Variants in SETDB1 observed in about 807,000 individuals in gnomAD.
SETDB1 encodes the protein histone-lysine N-methyltransferase SETDB1.
A neutral mutation model predicts 137.4 loss-of-function variants in SETDB1; 31 were observed. The observed-to-expected ratio is 0.23, with a 90% CI of 0.17 to 0.30. The LOEUF (loss-of-function observed/expected upper bound fraction) is 0.30, where lower values mean the gene tolerates loss of function less well. Ranked by LOEUF, SETDB1 falls within the 10% of genes least tolerant of loss-of-function variation. The pLI is 1.00. For missense variants in SETDB1, 1,113 were observed against 1,631.5 expected (o/e 0.68, Z 5.47); for synonymous variants, 548 against 579.9 (o/e 0.95, Z 0.79).
Position 150,958,054 on chromosome 1 carries a change from C to T in SETDB1, c.2334-1124C>T, listed in dbSNP as rs12063920. Among the ~76,000 whole-genome samples the T allele has an allele frequency of 6.8e-4, 103 of 151,858 alleles. 1 individual carries two copies. The highest frequency in any genetic ancestry group is 2.3e-3 in the African/African-American group (96 of 41,460). On this transcript the variant is annotated intron_variant, in intron 14 of 21. Transcript: ENST00000692827. ...ATACAAAATTAGCAAGGCACGGTGG[C>T]GCGTGCCTGTAATCTCAGCTACTTG...
In SETDB1 at chr1:150,959,230, C is replaced by T. The variant is rs1363633105; in HGVS notation, c.2386C>T (p.Arg796Trp). 6.2e-7 allele frequency: 1 copy of T among 1,601,478 alleles called. No homozygotes were observed. The highest frequency in any genetic ancestry group is 8.5e-7 in the Non-Finnish European group (1 of 1,175,980). Reference sequence around the variant, plus strand: ...ATGTGACCCAAACATGTGCACAAACCGGTTGGTGCAACATGGACTACAAGT... The same window carrying T: ...ATGTGACCCAAACATGTGCACAAACTGGTTGGTGCAACATGGACTACAAGT... ...CKCDPNMCTNRLVQHGLQVRL... is the reference protein window; with the variant it reads ...CKCDPNMCTNWLVQHGLQVRL... The change falls in exon 15 of 22, where the codon CGG (arginine) becomes TGG (tryptophan). Residue 796 changes from arginine to tryptophan, a missense_variant. Coordinates refer to ENST00000692827, the MANE Select transcript of SETDB1 (RefSeq NM_001366418.1).
intron 19 of SETDB1, 39 bp downstream of exon 19, chr1:150,963,178 G>C (rs776558216): frequency 1.3e-6 from 2 of 1,580,538 alleles, no homozygotes; most frequent in Non-Finnish European, 1.7e-6. Context: ...GGAAGAAATA[G>C]TAAGAAACTT....
Position 150,943,018 on chromosome 1 carries a change from T to C in SETDB1, c.840T>C (p.Ile280=). 1.2e-6 allele frequency: 2 copies of C among 1,614,096 alleles called. No homozygotes were observed. Among genetic ancestry groups the C allele is most frequent in the Non-Finnish European group, 1.7e-6 (2 of 1,180,006 alleles). ...DGNQVWLYAG[I]VAETPNVKNK... ...ATCAGGTCTGGCTCTATGCTGGCAT[T>C]GTAGCTGAGACACCAAACGTCAAAA... is the stretch of plus-strand genomic sequence containing the variant. Residue 280 remains isoleucine (I), a synonymous_variant, in exon 7 of 22, where the codon ATT becomes ATC. Coordinates refer to ENST00000692827, the MANE Select transcript of SETDB1 (RefSeq NM_001366418.1).
rs1463406484 is a variant in SETDB1, at chr1:150,930,049, G to A, written c.343G>A (p.Glu115Lys). The change falls in exon 3 of 22, where the codon GAA becomes AAA. Residue 115 changes from glutamate (E) to lysine (K), a missense_variant. By Grantham distance (56) the Glu-to-Lys change is moderately conservative. Coordinates refer to ENST00000692827, the MANE Select transcript of SETDB1 (RefSeq NM_001366418.1). ...ATACCGGGACAGTAGCTCTGAGGAC[G>A]AATCTTCCCGGCCTACAGAAATAAT... ...LQYRDSSSEDESSRPTEIIEI... is the reference protein window; with the variant it reads ...LQYRDSSSEDKSSRPTEIIEI... 12 of 1,613,886 alleles carry A rather than the reference G, an allele frequency of 7.4e-6. No homozygotes were observed. Among genetic ancestry groups the A allele is most frequent in the South Asian group, 1.1e-5 (1 of 91,076 alleles).
chr1:150,955,734 C>G (rs587678068), intron 14 of SETDB1, among the ~76,000 whole-genome samples: 1 of 152,310 alleles, frequency 6.6e-6, no homozygotes, highest in South Asian at 2.1e-4. Context: ...GGGCAAGGAT[C>G]TTATCTGTCT....
chr1:150,963,075 T>C lies in SETDB1; in HGVS notation c.3396T>C (p.Asp1132=), dbSNP rs1272401883. 6.2e-7 allele frequency: 1 copy of C among 1,614,092 alleles called. No individual in the cohort carries two copies. The highest frequency in any genetic ancestry group is 1.7e-5 in the Admixed American group (1 of 60,004). The change falls in exon 19 of 22, where the codon GAT becomes GAC. Residue 1132 remains aspartate (D), a synonymous_variant. Transcript: ENST00000692827. ...GQTSATAVDS[D]DIQTISSGSE... ...CTTCGGCTACAGCGGTTGACAGTGA[T>C]GATATCCAGACCATATCCTCTGGCT...
At position 150,927,994 on chromosome 1, in the gene SETDB1, T is replaced by C. The variant is rs760594702; in HGVS notation, c.260+20T>C. 2.8e-5 allele frequency: 45 copies of C among 1,610,136 alleles called. No homozygotes were observed. The Admixed American group carries it at 7.0e-4, about 25-fold the overall frequency. On this transcript the variant is annotated intron_variant, in intron 2 of 21. Transcript: ENST00000692827. ...ATCCAGGTGAGAACTCCATGGAAAA[T>C]AGAAGGAAATCTCTCCATTGGGAGA...
In SETDB1 at chr1:150,927,763, G is replaced by A. The variant is rs767435466; in HGVS notation, c.49G>A (p.Val17Met). The change falls in exon 2 of 22, where the codon GTG becomes ATG. Residue 17 changes from valine to methionine, a missense_variant. Around this residue, in one of 11 missense-constraint regions of SETDB1, gnomAD observed 32 missense variants for 26.3 expected, o/e 1.22. Coordinates refer to ENST00000692827, the MANE Select transcript of SETDB1 (RefSeq NM_001366418.1). ...CIGLDAATAT[V>M]ESEEIAELQQ... Reference sequence around the variant, plus strand: ...TGGTTTGGATGCAGCAACAGCTACAGTGGAGTCTGAAGAGATTGCAGAGCT... The same window carrying A: ...TGGTTTGGATGCAGCAACAGCTACAATGGAGTCTGAAGAGATTGCAGAGCT... 5.0e-6 allele frequency: 8 copies of A among 1,614,078 alleles called. No individual in the cohort carries two copies. The Admixed American group carries it at 1.3e-4, about 27-fold the overall frequency.
At position 150,963,573 on chromosome 1, in the gene SETDB1, T is replaced by G; in HGVS notation, c.3504T>G (p.Phe1168Leu). 6.2e-7 allele frequency: 1 copy of G among 1,614,174 alleles called. No individual in the cohort carries two copies. Among genetic ancestry groups the G allele is most frequent in the Non-Finnish European group, 8.5e-7 (1 of 1,180,008 alleles). ...RQVAVKSTRG[F>L]ALKSTHGIAI... ...TGGCAGTAAAATCAACCCGAGGCTTTGCTCTTAAATCAACCCATGGGATTG... is the reference window on the plus strand; with the variant it reads ...TGGCAGTAAAATCAACCCGAGGCTTGGCTCTTAAATCAACCCATGGGATTG... Residue 1168 changes from phenylalanine to leucine, a missense_variant, in exon 20 of 22, where the codon TTT becomes TTG. Transcript: ENST00000692827.
At chr1:150,933,361 A>ATTTTTTT (rs992903592) in intron 3 of SETDB1, among the ~76,000 whole-genome samples, 1 of 88,056 alleles carries the variant, frequency 1.1e-5, no homozygotes, top group Non-Finnish European at 2.3e-5. Context: ...TGCCTGGCCT[A>ATTTTTTT]TTTTGTCTTT....
chr1:150,961,974 G>A (rs1403859648), intron 16 of SETDB1, 156 bp from the exon 17 acceptor site: 2 of 817,530 alleles, frequency 2.4e-6, no homozygotes, highest in Non-Finnish European at 4.2e-6. Context: ...GTGTAGTGAG[G>A]ATTTCTGTCA....
At chr1:150,954,676 G>A (rs11204747) in intron 14 of SETDB1, among the ~76,000 whole-genome samples, 66,637 of 152,044 alleles carry the variant, frequency 0.44, 15,275 homozygotes, top group African/African-American at 0.55. Flanking sequence ...CCTGAAAGTA[G>A]CACTAGAAGC....
intron 3 of SETDB1, among the ~76,000 whole-genome samples, chr1:150,931,004 A>G (rs1052162008): frequency 5.3e-5 from 8 of 152,080 alleles, no homozygotes; most frequent in African/African-American, 1.9e-4. Context: ...TCATACCTGT[A>G]ATCCCAGCAC....
intron 3 of SETDB1, among the ~76,000 whole-genome samples, chr1:150,938,915 C>T (rs587707479): frequency 6.6e-6 from 1 of 150,452 alleles, no homozygotes; most frequent in Admixed American, 6.6e-5. Flanking sequence ...ATCACTTGAA[C>T]CCGAGAGGCA....
At chr1:150,936,711 TA>T (rs1228374254) in intron 3 of SETDB1, among the ~76,000 whole-genome samples, 1 of 152,112 alleles carries the variant, frequency 6.6e-6, no homozygotes, top group Non-Finnish European at 1.5e-5. Flanking sequence ...TTTTAGACAG[TA>T]TCTCACTCTG....
rs773784607 is a variant in SETDB1 at position 150,964,300 on chromosome 1, G to A, written c.3815G>A (p.Ser1272Asn). Residue 1272 changes from serine (S) to asparagine (N), a missense_variant, in exon 22 of 22, where the codon AGT becomes AAT. Around this residue, in one of 11 missense-constraint regions of SETDB1, gnomAD observed 37 missense variants for 123.2 expected, o/e 0.30. Transcript: ENST00000692827. ...LTWDYNYEVG[S>N]VEGKELLCCC... ...TGGGACTACAACTACGAGGTGGGCA[G>A]TGTGGAAGGCAAGGAGCTACTCTGT... 1.2e-6 allele frequency: 2 copies of A among 1,614,226 alleles called. No homozygotes were observed. Among genetic ancestry groups the A allele is most frequent in the Non-Finnish European group, 1.7e-6 (2 of 1,180,036 alleles).
intron 14 of SETDB1, among the ~76,000 whole-genome samples, chr1:150,955,689 T>G (rs764684406): frequency 8.5e-5 from 13 of 152,226 alleles, no homozygotes; most frequent in Non-Finnish European, 1.9e-4. Context: ...GTTGACTTGT[T>G]TTTCTTTTTT....
At chr1:150,959,013 C>A (rs1237465004) in intron 14 of SETDB1, among the ~76,000 whole-genome samples, 165 bp from the exon 15 acceptor site, 1 of 152,112 alleles carries the variant, frequency 6.6e-6, no homozygotes, top group Admixed American at 6.6e-5. Context: ...AATCAAAGAG[C>A]ATAGATGGTT....
intron 10 of SETDB1, 60 bp downstream of exon 10, chr1:150,947,072 T>C (rs1670354374): frequency 1.9e-6 from 3 of 1,592,462 alleles, no homozygotes; most frequent in Non-Finnish European, 2.6e-6. Context: ...AAGGAGATTA[T>C]ATACAATGGC....
Sources: allele counts gnomAD v4.1 joint callset (sites outside exome capture counted in the v4.1 genomes callset), GRCh38; gene constraint gnomAD v4.1.1; regional missense constraint gnomAD v4.1.1; transcripts MANE v1.5; gene names NCBI Gene and HGNC (gene_info 2026-07-23, HGNC 2026-07-21).